ATP2C1: variants seen among roughly 807,000 people sequenced by gnomAD.
ATP2C1 encodes the protein calcium-transporting ATPase type 2C member 1.
A neutral mutation model predicts 120.5 loss-of-function variants in ATP2C1; 31 were observed. The ratio of observed to expected loss-of-function variants is 0.26; its 90% CI spans 0.19 to 0.35. ATP2C1 has a LOEUF of 0.35. Ranked by LOEUF, ATP2C1 falls within the 10% of genes least tolerant of loss-of-function variation. The pLI is 1.00. For synonymous variants in ATP2C1, 351 were observed against 358.7 expected (o/e 0.98, Z 0.24); for missense variants, 731 against 1,107.5 (o/e 0.66, Z 4.83).
At chr3:130,988,510 T>C (rs1465477282) in intron 20 of ATP2C1, among the ~76,000 whole-genome samples, 1 of 152,142 alleles carries the variant, frequency 6.6e-6, no homozygotes, top group Non-Finnish European at 1.5e-5. Context: ...GCTGCACCTT[T>C]TACCACCAAG....
chr3:130,879,070 A>T (rs1235027989), intron 1 of ATP2C1, among the ~76,000 whole-genome samples: 1 of 151,918 alleles, frequency 6.6e-6, no homozygotes, highest in Non-Finnish European at 1.5e-5. Context: ...ATATATATAT[A>T]TTTTTTGACA....
intron 2 of ATP2C1, among the ~76,000 whole-genome samples, chr3:130,923,842 G>T (rs2059076712): frequency 6.7e-6 from 1 of 148,368 alleles, no homozygotes; most frequent in Admixed American, 6.7e-5. Context: ...TCTAACCTGG[G>T]TGATGAAGTG....
chr3:130,942,521 A>G lies in ATP2C1; in HGVS notation c.531+822A>G, dbSNP rs1017178421. Among the ~76,000 whole-genome samples, 3 of 152,216 alleles carry G rather than the reference A, an allele frequency of 2.0e-5. No homozygotes were observed. The East Asian group carries it at 5.8e-4, about 29-fold the overall frequency. Reference sequence around the variant, plus strand: ...AACACCTGCAGAGCAGTCAGTCTTTAAATACTATGGCCAAAAGTATGAGTG... The same window carrying G: ...AACACCTGCAGAGCAGTCAGTCTTTGAATACTATGGCCAAAAGTATGAGTG... On this transcript the variant is annotated intron_variant, in intron 8 of 27. Transcript: ENST00000510168.
At chr3:131,016,475 C>G in exon 27 of ATP2C1, 3 of 953,758 alleles carry the variant, frequency 3.1e-6, no homozygotes, top group Non-Finnish European at 3.1e-6. Flanking sequence ...CTTCTGGCTT[C>G]ATAAATGCCT....
chr3:130,915,647 G>T (rs1343158255), intron 2 of ATP2C1, among the ~76,000 whole-genome samples: 10 of 152,168 alleles, frequency 6.6e-5, no homozygotes. Context: ...CGTGGTAGGG[G>T]ACTGAGTGTG....
At chr3:130,860,517 C>T (rs749719150) in intron 1 of ATP2C1, among the ~76,000 whole-genome samples, 9 of 152,186 alleles carry the variant, frequency 5.9e-5, no homozygotes, top group East Asian at 1.9e-4. Flanking sequence ...AGGTGCTTTA[C>T]GTATGTTGTA....
chr3:130,871,421 A>G (rs1406352374), intron 1 of ATP2C1, among the ~76,000 whole-genome samples: 1 of 152,152 alleles, frequency 6.6e-6, no homozygotes, highest in Admixed American at 6.5e-5. Context: ...GCTGGGCCCC[A>G]CCTCCAGAGT....
intron 20 of ATP2C1, among the ~76,000 whole-genome samples, chr3:130,983,156 A>G (rs1217892964): frequency 2.0e-5 from 3 of 152,160 alleles, no homozygotes; most frequent in East Asian, 3.8e-4. Context: ...TTGAGCTTCT[A>G]TTCTTTTTAC....
At chr3:130,931,354 T>G (rs866505117) in intron 3 of ATP2C1, among the ~76,000 whole-genome samples, 1 of 152,114 alleles carries the variant, frequency 6.6e-6, no homozygotes, top group Middle Eastern at 3.2e-3. Context: ...GAACATAAAC[T>G]GTTCCAAGAA....
intron 26 of ATP2C1, among the ~76,000 whole-genome samples, chr3:131,010,696 C>T (rs913569487): frequency 1.1e-4 from 17 of 152,314 alleles, no homozygotes; most frequent in African/African-American, 4.1e-4. Context: ...TCTACCCTTT[C>T]CAGTGTGGCT....
intron 5 of ATP2C1, among the ~76,000 whole-genome samples, chr3:130,937,088 A>T (rs373566919): frequency 2.6e-5 from 4 of 152,188 alleles, no homozygotes; most frequent in Non-Finnish European, 2.9e-5. Flanking sequence ...AATTTTTTAC[A>T]TGAGTTGATG....
intron 8 of ATP2C1, among the ~76,000 whole-genome samples, chr3:130,952,476 A>G (rs1186776921): frequency 1.3e-5 from 2 of 152,180 alleles, no homozygotes; most frequent in African/African-American, 2.4e-5. Flanking sequence ...GATGTAATTT[A>G]TAACTTTTCA....
intron 1 of ATP2C1, among the ~76,000 whole-genome samples, chr3:130,867,585 C>T (rs1352036561): frequency 2.0e-5 from 3 of 150,824 alleles, no homozygotes; most frequent in African/African-American, 7.3e-5. Flanking sequence ...GTCTCATTCA[C>T]TCAGTGCTCA....
intron 2 of ATP2C1, among the ~76,000 whole-genome samples, chr3:130,906,625 A>G (rs1222217750): frequency 6.7e-6 from 1 of 149,360 alleles, no homozygotes; most frequent in African/African-American, 2.5e-5. Flanking sequence ...CTAGCAGTGT[A>G]TGAGGCTTTC....
chr3:130,902,297 G>GTTTTTTTTTTTTTTTT (rs398052267), intron 2 of ATP2C1, among the ~76,000 whole-genome samples: 4 of 13,252 alleles, frequency 3.0e-4, no homozygotes, highest in Admixed American at 1.9e-3. Context: ...TTTTTTTTTT[G>GTTTTTTTTTTTTTTTT]TTTTTTTTTT....
At chr3:130,884,052 C>T (rs56799919) in intron 1 of ATP2C1, among the ~76,000 whole-genome samples, 8,943 of 151,292 alleles carry the variant, frequency 0.059, 852 homozygotes, top group African/African-American at 0.2. Context: ...AGTAATTCTC[C>T]CACCTCAGCC....
chr3:130,926,342 G>A (rs1474110185), intron 2 of ATP2C1, among the ~76,000 whole-genome samples: 1 of 152,136 alleles, frequency 6.6e-6, no homozygotes, highest in Non-Finnish European at 1.5e-5. Context: ...GGCATGGAAC[G>A]AGGCAAATAA....
At chr3:130,966,802 G>A (rs1157451947) in intron 14 of ATP2C1, among the ~76,000 whole-genome samples, 2 of 152,108 alleles carry the variant, frequency 1.3e-5, no homozygotes, top group Non-Finnish European at 2.9e-5. Flanking sequence ...ATATGGTAAT[G>A]CATTTGAGTT....
intron 26 of ATP2C1, chr3:131,014,021 T>C (rs1465742041): frequency 6.9e-7 from 1 of 1,439,812 alleles, no homozygotes; most frequent in Non-Finnish European, 9.4e-7. Context: ...AAGTAAGGAT[T>C]ATATTAAATA....
Sources: gnomAD v4.1 joint callset for allele counts (sites outside exome capture counted in the v4.1 genomes callset) on GRCh38, gnomAD v4.1.1 for gene constraint, MANE v1.5 for transcripts, NCBI Gene and HGNC (gene_info 2026-07-23, HGNC 2026-07-21) for gene names.